PTPRD: variants seen among roughly 807,000 people sequenced by gnomAD.
PTPRD encodes the protein protein tyrosine phosphatase receptor type D.
Under a neutral mutation model 214.5 loss-of-function variants are expected in PTPRD, and 34 were observed. The observed-to-expected ratio is 0.16, with a 90% CI of 0.12 to 0.21. The LOEUF is 0.21. Ranked by LOEUF, PTPRD falls within the 10% of genes least tolerant of loss-of-function variation. PTPRD has a pLI of 1.00. For synonymous variants in PTPRD, 1,128 were observed against 845.7 expected, an observed-to-expected ratio of 1.33 and a Z score of -5.79; for missense variants, 2,545 against 2,398.7, an observed-to-expected ratio of 1.06 and a Z score of -1.27.
At chr9:8,999,853 T>C (rs1198954487) in intron 11 of PTPRD, among the ~76,000 whole-genome samples, 1 of 152,026 alleles carries the variant, frequency 6.6e-6, no homozygotes, top group Non-Finnish European at 1.5e-5. Flanking sequence ...TTGAGCTTTG[T>C]GGAACAGGGG....
chr9:8,417,012 T>C (rs1163806058), intron 35 of PTPRD, among the ~76,000 whole-genome samples: 2 of 152,024 alleles, frequency 1.3e-5, no homozygotes, highest in Admixed American at 1.3e-4. Flanking sequence ...AAATTATAAA[T>C]TTATTATCAT....
chr9:8,888,842 G>T (rs1205736624), intron 11 of PTPRD, among the ~76,000 whole-genome samples: 1 of 152,152 alleles, frequency 6.6e-6, no homozygotes, highest in Non-Finnish European at 1.5e-5. Context: ...CAACTATCTT[G>T]CATCCAAACC....
At chr9:9,375,197 A>G (rs974491807) in intron 9 of PTPRD, among the ~76,000 whole-genome samples, 1 of 152,212 alleles carries the variant, frequency 6.6e-6, no homozygotes, top group Non-Finnish European at 1.5e-5. Context: ...TGTTATACCA[A>G]TGTTCACAGC....
chr9:9,827,138 C>T (rs1457914122), intron 5 of PTPRD, among the ~76,000 whole-genome samples: 1 of 152,024 alleles, frequency 6.6e-6, no homozygotes, highest in Admixed American at 6.6e-5. Flanking sequence ...ACTTTCTTCA[C>T]AGAATTGGAA....
At chr9:9,198,944 C>G (rs2099940261) in intron 9 of PTPRD, among the ~76,000 whole-genome samples, 1 of 152,128 alleles carries the variant, frequency 6.6e-6, no homozygotes, top group Admixed American at 6.6e-5. Context: ...CATCAAGCAA[C>G]TTGGGTGACT....
chr9:10,118,300 T>G (rs182752866), intron 3 of PTPRD, among the ~76,000 whole-genome samples: 2 of 151,768 alleles, frequency 1.3e-5, no homozygotes, highest in South Asian at 4.1e-4. Context: ...TAGAAACATT[T>G]ATTATCTATA....
At chr9:10,409,146 C>A (rs2098407948) in intron 2 of PTPRD, among the ~76,000 whole-genome samples, 2 of 151,614 alleles carry the variant, frequency 1.3e-5, no homozygotes, top group Admixed American at 1.3e-4. Flanking sequence ...TATATGTGGG[C>A]TACAACACAC....
intron 2 of PTPRD, among the ~76,000 whole-genome samples, chr9:10,517,841 G>C (rs1024596994): frequency 6.6e-6 from 1 of 151,978 alleles, no homozygotes; most frequent in African/African-American, 2.4e-5. Context: ...TTTACCTTTT[G>C]AATTTAAAAT....
At chr9:10,589,956 C>A (rs764283508) in intron 2 of PTPRD, among the ~76,000 whole-genome samples, 5 of 151,962 alleles carry the variant, frequency 3.3e-5, no homozygotes, top group Non-Finnish European at 7.4e-5. Flanking sequence ...AATATGACTC[C>A]ATTTGTAGCC....
At chr9:9,643,998 C>T (rs2096061005) in intron 7 of PTPRD, among the ~76,000 whole-genome samples, 1 of 152,142 alleles carries the variant, frequency 6.6e-6, no homozygotes, top group Non-Finnish European at 1.5e-5. Flanking sequence ...CTGCCAACAT[C>T]ATTAATTTTA....
At chr9:9,004,676 T>TGAGGGCAAAACTGCCTGCG (rs547717865) in intron 11 of PTPRD, among the ~76,000 whole-genome samples, 3 of 152,048 alleles carry the variant, frequency 2.0e-5, no homozygotes, top group Admixed American at 6.6e-5. Flanking sequence ...ATAAAGAGAA[T>TGAGGGCAAAACTGCCTGCG]GAGGGCAAAA....
At chr9:9,215,839 C>G (rs770525958) in intron 9 of PTPRD, among the ~76,000 whole-genome samples, 6 of 152,158 alleles carry the variant, frequency 3.9e-5, no homozygotes, top group Non-Finnish European at 8.8e-5. Flanking sequence ...AACACCACAA[C>G]AGTAAAATAG....
chr9:8,767,308 G>A (rs1459667604), intron 11 of PTPRD, among the ~76,000 whole-genome samples: 2 of 151,856 alleles, frequency 1.3e-5, no homozygotes, highest in South Asian at 4.2e-4. Context: ...AGTAGAGATG[G>A]GGTTCACCAT....
chr9:8,331,761 G>C, intron 43 of PTPRD, 25 bp from the exon 44 acceptor site: 1 of 1,547,158 alleles, frequency 6.5e-7, no homozygotes, highest in East Asian at 2.3e-5. Flanking sequence ...CCACATACCC[G>C]GCCGCAAAGG....
chr9:8,971,282 T>C (rs1433553), intron 11 of PTPRD, among the ~76,000 whole-genome samples: 106,105 of 151,382 alleles, frequency 0.7, 37,672 homozygotes, highest in East Asian at 0.85. Flanking sequence ...AGACATACTT[T>C]AGCTGGCCAA....
intron 10 of PTPRD, among the ~76,000 whole-genome samples, chr9:9,121,526 C>T: frequency 6.6e-6 from 1 of 152,076 alleles, no homozygotes; most frequent in Non-Finnish European, 1.5e-5. Context: ...TTGCAATGAC[C>T]TGGATGAGTT....
intron 7 of PTPRD, among the ~76,000 whole-genome samples, chr9:9,621,599 T>C (rs1252797844): frequency 6.6e-6 from 1 of 152,166 alleles, no homozygotes; most frequent in African/African-American, 2.4e-5. Context: ...AGCCCATGAG[T>C]CATAATCATA....
intron 3 of PTPRD, among the ~76,000 whole-genome samples, chr9:10,163,106 A>AT (rs951713686): frequency 4.0e-5 from 6 of 150,256 alleles, no homozygotes; most frequent in African/African-American, 7.4e-5. Context: ...AAATGTGATT[A>AT]TTTTTTATTT....
intron 5 of PTPRD, among the ~76,000 whole-genome samples, chr9:9,865,730 A>G (rs1009919574): frequency 6.6e-6 from 1 of 152,360 alleles, no homozygotes; most frequent in East Asian, 1.9e-4. Context: ...TTTTCTGCTA[A>G]AAGAATAGTT....
Sources: allele counts gnomAD v4.1 joint callset (sites outside exome capture counted in the v4.1 genomes callset), GRCh38; gene constraint gnomAD v4.1.1; transcripts MANE v1.5; gene names NCBI Gene and HGNC (gene_info 2026-07-23, HGNC 2026-07-21).